Variants in CPA6 observed in about 807,000 individuals in gnomAD.
CPA6 encodes the protein carboxypeptidase A6.
A neutral mutation model predicts 63.3 loss-of-function variants in CPA6; 58 were observed. The observed-to-expected ratio is 0.92, with a 90% CI of 0.74 to 1.14. CPA6 has a LOEUF of 1.14. CPA6 is among the 50% of genes most tolerant of loss of function. The probability of loss-of-function intolerance (pLI) is 0.00; values close to 1 mark genes in which losing one functional copy is unlikely to be tolerated. For missense variants in CPA6, 565 were observed against 526.6 expected (o/e 1.07, Z -0.71); for synonymous variants, 185 against 179.0 (o/e 1.03, Z -0.27).
chr8:67,434,066 T>C lies in CPA6; in HGVS notation c.1013A>G (p.Tyr338Cys). 3.7e-6 allele frequency: 6 copies of C among 1,613,268 alleles called. No homozygotes were observed. The highest frequency in any genetic ancestry group is 5.1e-6 in the Non-Finnish European group (6 of 1,179,686). ...ACATCTAAAATTGGGAATTGTTGCA[T>C]ATTTGTAAGAATAGGGATACAGTAA... ...QMLLYPYSYK[Y>C]ATIPNFRCVE... The change falls in exon 9 of 11, where the codon TAT becomes TGT. Residue 338 changes from tyrosine (Y) to cysteine (C), a missense_variant. Tyr to Cys is a radical substitution (Grantham distance 194). Transcript: ENST00000297770.
intron 6 of CPA6, among the ~76,000 whole-genome samples, chr8:67,489,473 G>C (rs893654866): frequency 1.3e-5 from 2 of 151,052 alleles, no homozygotes; most frequent in Admixed American, 6.6e-5. Flanking sequence ...TAAATTTTAC[G>C]TATAAATGTT....
intron 1 of CPA6, among the ~76,000 whole-genome samples, chr8:67,644,060 G>T (rs1281099604): frequency 6.6e-6 from 1 of 151,950 alleles, no homozygotes; most frequent in Non-Finnish European, 1.5e-5. Flanking sequence ...ATTGAGGGGG[G>T]TTGGCAGTAC....
At chr8:67,517,582 G>T (rs1812171800) in intron 3 of CPA6, among the ~76,000 whole-genome samples, 1 of 152,134 alleles carries the variant, frequency 6.6e-6, no homozygotes, top group African/African-American at 2.4e-5. Flanking sequence ...CCTCTGCCTG[G>T]CTGGCATAGC....
At chr8:67,452,288 T>C (rs572696466) in intron 8 of CPA6, 3 of 152,296 alleles carry the variant, frequency 2.0e-5, no homozygotes, top group Admixed American at 1.3e-4. Context: ...GAGGACCTAT[T>C]TTACCTGGCT....
intron 1 of CPA6, among the ~76,000 whole-genome samples, chr8:67,675,883 C>G (rs907283659): frequency 2.0e-5 from 3 of 152,212 alleles, no homozygotes; most frequent in African/African-American, 7.2e-5. Context: ...TTGCCCAGCA[C>G]AGGCTGGAGT....
intron 1 of CPA6, among the ~76,000 whole-genome samples, chr8:67,700,979 C>T (rs747890487): frequency 1.3e-5 from 2 of 152,014 alleles, no homozygotes; most frequent in African/African-American, 2.4e-5. Context: ...TATTCTATGA[C>T]TTTAGAATAT....
chr8:67,475,298 C>G (rs995627485), intron 8 of CPA6, among the ~76,000 whole-genome samples: 2 of 152,102 alleles, frequency 1.3e-5, no homozygotes, highest in East Asian at 3.8e-4. Flanking sequence ...GCCCTAAAAC[C>G]ATCATCAAGA....
At chr8:67,726,090 C>A (rs185674758) in intron 1 of CPA6, among the ~76,000 whole-genome samples, 1 of 152,018 alleles carries the variant, frequency 6.6e-6, no homozygotes, top group Admixed American at 6.6e-5. Flanking sequence ...TTTTAGAACT[C>A]ATGAGAGCAA....
chr8:67,605,531 CTTTTT>C (rs68153641), intron 2 of CPA6, among the ~76,000 whole-genome samples: 33 of 125,258 alleles, frequency 2.6e-4, no homozygotes, highest in South Asian at 7.6e-4. Context: ...TATTGTATTG[CTTTTT>C]TTTTTTTTTT....
chr8:67,553,067 C>A (rs1374352762), intron 2 of CPA6, among the ~76,000 whole-genome samples: 4 of 152,098 alleles, frequency 2.6e-5, no homozygotes, highest in African/African-American at 9.7e-5. Flanking sequence ...AGGAAGTTAA[C>A]CTTTTAATCA....
chr8:67,684,458 T>G (rs1816669071), intron 1 of CPA6, among the ~76,000 whole-genome samples: 1 of 152,062 alleles, frequency 6.6e-6, no homozygotes, highest in South Asian at 2.1e-4. Context: ...CCTCTTCCCT[T>G]AAGTTCTCAC....
chr8:67,635,487 G>C (rs1815447265), intron 1 of CPA6, among the ~76,000 whole-genome samples: 1 of 151,706 alleles, frequency 6.6e-6, no homozygotes, highest in African/African-American at 2.4e-5. Flanking sequence ...AGAAAAAGGG[G>C]CTGGGCATGG....
Position 67,606,335 on chromosome 8 carries a change from TATA to T in CPA6, c.192+17838_192+17840del, listed in dbSNP as rs201805120. Among the ~76,000 whole-genome samples, 234 of 151,986 alleles carry T rather than the reference TATA, an allele frequency of 1.5e-3. 2 individuals carry two copies. In the East Asian group the frequency reaches 0.037, roughly 24 times the overall value. The stretch of plus-strand genomic sequence containing the variant: ...GCCCTAAAACATATACCCTAAAAAG[TATA>T]ATAATAATAAAAAAATTAAATTAAA... On this transcript the variant is annotated intron_variant, in intron 2 of 10. Transcript: ENST00000297770.
chr8:67,548,980 G>T (rs1049136596), intron 2 of CPA6, among the ~76,000 whole-genome samples: 1 of 152,222 alleles, frequency 6.6e-6, no homozygotes, highest in South Asian at 2.1e-4. Context: ...TTGTGAGACA[G>T]AATAGAATTT....
At chr8:67,646,063 A>C (rs996244481) in intron 1 of CPA6, among the ~76,000 whole-genome samples, 2 of 152,232 alleles carry the variant, frequency 1.3e-5, no homozygotes, top group East Asian at 3.8e-4. Context: ...ATGACAGCCC[A>C]CTTGATCTCT....
At chr8:67,726,082 T>C (rs2911953) in intron 1 of CPA6, among the ~76,000 whole-genome samples, 98,255 of 151,928 alleles carry the variant, frequency 0.65, 32,282 homozygotes, top group Admixed American at 0.72. Context: ...AATCAAGGTT[T>C]TAGAACTCAT....
chr8:67,726,520 G>A (rs747060027), intron 1 of CPA6, among the ~76,000 whole-genome samples: 2 of 152,152 alleles, frequency 1.3e-5, no homozygotes, highest in African/African-American at 2.4e-5. Context: ...CTTAAAATGG[G>A]CTTGTTCAGG....
At chr8:67,547,582 C>A (rs959005997) in intron 2 of CPA6, among the ~76,000 whole-genome samples, 1 of 151,660 alleles carries the variant, frequency 6.6e-6, no homozygotes, top group Non-Finnish European at 1.5e-5. Context: ...ACTGCAGTGA[C>A]CTCCCAGGGT....
chr8:67,462,027 T>A (rs1380013466), intron 8 of CPA6, among the ~76,000 whole-genome samples: 1 of 152,208 alleles, frequency 6.6e-6, no homozygotes, highest in Admixed American at 6.5e-5. Flanking sequence ...AACACTGACT[T>A]ATTTTTACTG....
Sources: allele counts gnomAD v4.1 joint callset (sites outside exome capture counted in the v4.1 genomes callset), GRCh38; gene constraint gnomAD v4.1.1; transcripts MANE v1.5; gene names NCBI Gene and HGNC (gene_info 2026-07-23, HGNC 2026-07-21).